UTRN: variants seen among roughly 807,000 people sequenced by gnomAD.
UTRN encodes utrophin.
In UTRN, 283 loss-of-function variants were observed where a neutral mutation model predicts 463.9. The observed-to-expected ratio is 0.61, with a 90% CI of 0.55 to 0.67. The LOEUF is 0.67. Among genes scored for constraint, UTRN ranks in the 30% least tolerant of loss-of-function variants. The probability of loss-of-function intolerance (pLI) is 0.00; values close to 1 mark genes in which losing one functional copy is unlikely to be tolerated. For missense variants in UTRN, 3,922 were observed against 4,084.3 expected, an observed-to-expected ratio of 0.96 and a Z score of 1.08; for synonymous variants, 1,442 against 1,431.5, an observed-to-expected ratio of 1.01 and a Z score of -0.17.
In UTRN at chr6:144,671,384, TA is replaced by T. The variant is rs556935159; in HGVS notation, c.7480-7021del. 1.1e-4 allele frequency among the ~76,000 whole-genome samples: 17 copies of T among 152,232 alleles called. No homozygotes were observed. The Middle Eastern group carries it at 0.01, about 91-fold the overall frequency. ...TGGTTAGGTATAATCCTAAGTATTT[TA>T]TTTTTTTTACAGCTATTTTAAAAGG... On this transcript the variant is annotated intron_variant, in intron 51 of 74. Transcript: ENST00000367545.
chr6:144,572,519 G>T (rs1449927954), intron 50 of UTRN, among the ~76,000 whole-genome samples: 6 of 151,972 alleles, frequency 3.9e-5, no homozygotes, highest in Non-Finnish European at 2.9e-5. Context: ...CATGCATTAG[G>T]CATTTGTCCT....
At chr6:144,836,855 T>A (rs1781150183) in intron 71 of UTRN, among the ~76,000 whole-genome samples, 1 of 152,212 alleles carries the variant, frequency 6.6e-6, no homozygotes, top group Non-Finnish European at 1.5e-5. Context: ...ATGGGAAGCA[T>A]CTGTATTAAG....
At chr6:144,836,070 T>C (rs1562967053) in intron 70 of UTRN, 132 bp downstream of exon 70, 1 of 1,443,090 alleles carries the variant, frequency 6.9e-7, no homozygotes, top group Non-Finnish European at 9.3e-7. Context: ...TAGAGGCTAT[T>C]AACAAACTGG....
chr6:144,563,654 AT>A (rs1247387959), intron 50 of UTRN, among the ~76,000 whole-genome samples: 1 of 151,762 alleles, frequency 6.6e-6, no homozygotes, highest in Non-Finnish European at 1.5e-5. Context: ...AATCACCTTT[AT>A]TTTTCAACTT....
rs779188848 is a variant in UTRN at position 144,748,451 on chromosome 6, T to A, written c.8145T>A (p.Asn2715Lys). 15 of 1,614,004 alleles carry A rather than the reference T, an allele frequency of 9.3e-6. No individual in the cohort carries two copies. Among genetic ancestry groups the A allele is most frequent in the Non-Finnish European group, 1.3e-5 (15 of 1,179,924 alleles). Residue 2715 changes from asparagine to lysine, a missense_variant, in exon 55 of 75, where the codon AAT (asparagine) becomes AAA (lysine). Asn to Lys is a moderately conservative substitution (Grantham distance 94). Around this residue, in one of 3 missense-constraint regions of UTRN, gnomAD observed 1,309 missense variants for 1,452.6 expected, o/e 0.90. Transcript: ENST00000367545. The part of the protein sequence containing the change: ...ADMKEAESVR[N>K]GWKPVGDLLI... Reference sequence around the variant, plus strand: ...TGAAGGAGGCAGAGTCCGTGCGGAATGGCTGGAAGCCCGTGGGAGACTTAC... The same window carrying A: ...TGAAGGAGGCAGAGTCCGTGCGGAAAGGCTGGAAGCCCGTGGGAGACTTAC...
rs981140252 is a variant in UTRN at position 144,490,896 on chromosome 6, A to G, written c.4264-33A>G. ...CATGATGAGAGAGATAATCATCCTG[A>G]TGGGAATTGCATATTTTCATTTCTG... On this transcript the variant is annotated intron_variant, in intron 31 of 74. Transcript: ENST00000367545. 4 of 1,536,426 alleles carry G rather than the reference A, an allele frequency of 2.6e-6. No individual in the cohort carries two copies. In the East Asian group the frequency reaches 6.9e-5, roughly 27 times the overall value.
At position 144,789,244 on chromosome 6, in the gene UTRN, C is replaced by A. The variant is rs367549807; in HGVS notation, c.8885C>A (p.Ser2962Tyr). 3 of 1,613,306 alleles carry A rather than the reference C, an allele frequency of 1.9e-6. No individual in the cohort carries two copies. Among genetic ancestry groups the A allele is most frequent in the Admixed American group, 3.3e-5 (2 of 59,960 alleles). The stretch of plus-strand genomic sequence containing the variant: ...CAGAGTCTGAAGATTGGATTAATGT[C>A]TCTCTCCAAAGGTCTCTTGGAAGAA... ...RVQSLKIGLM[S>Y]LSKGLLEEKY... is the part of the protein sequence containing the mutation. Residue 2962 changes from serine (S) to tyrosine (Y), a missense_variant, in exon 62 of 75, where the codon TCT becomes TAT. Around this residue, in one of 3 missense-constraint regions of UTRN, gnomAD observed 1,309 missense variants for 1,452.6 expected, o/e 0.90. Coordinates refer to ENST00000367545, the MANE Select transcript of UTRN (RefSeq NM_007124.3).
chr6:144,643,658 A>G (rs1777992331), intron 51 of UTRN, among the ~76,000 whole-genome samples: 1 of 151,974 alleles, frequency 6.6e-6, no homozygotes, highest in Admixed American at 6.6e-5. Flanking sequence ...TTAGCCAGGC[A>G]TGGGGGCAGG....
intron 65 of UTRN, among the ~76,000 whole-genome samples, chr6:144,806,544 A>G (rs1282479450): frequency 6.8e-6 from 1 of 146,118 alleles, no homozygotes; most frequent in African/African-American, 2.5e-5. Context: ...AATAGCAATG[A>G]ATGATCTGAT....
At chr6:144,711,598 A>C (rs1406047) in intron 53 of UTRN, among the ~76,000 whole-genome samples, 11,558 of 152,202 alleles carry the variant, frequency 0.076, 1,488 homozygotes, top group African/African-American at 0.26. Context: ...TTGCAGATGC[A>C]GATTTTACTG....
chr6:144,287,965 G>A (rs1294545681), intron 1 of UTRN, among the ~76,000 whole-genome samples: 1 of 152,178 alleles, frequency 6.6e-6, no homozygotes, highest in Admixed American at 6.5e-5. Flanking sequence ...CCATTTTATA[G>A]GTGTGGAAGA....
chr6:144,310,412 T>C (rs1806141548), intron 2 of UTRN, among the ~76,000 whole-genome samples: 1 of 152,032 alleles, frequency 6.6e-6, no homozygotes, highest in Non-Finnish European at 1.5e-5. Flanking sequence ...GGCTCATGCC[T>C]GTAATCCCAG....
rs560711113 is a variant in UTRN, at chr6:144,739,192, G to A, written c.7939+8706G>A. On this transcript the variant is annotated intron_variant, in intron 54 of 74. Coordinates refer to ENST00000367545, the MANE Select transcript of UTRN (RefSeq NM_007124.3). Reference sequence around the variant, plus strand: ...ATTTCCTGATATTTTAGAAAGCCAAGTATTAAGACTATTTTTCTTCCCTGT... The same window carrying A: ...ATTTCCTGATATTTTAGAAAGCCAAATATTAAGACTATTTTTCTTCCCTGT... 6.6e-5 allele frequency among the ~76,000 whole-genome samples: 10 copies of A among 152,212 alleles called. No homozygotes were observed. In the East Asian group the frequency reaches 1.9e-3, roughly 29 times the overall value.
chr6:144,445,080 G>T lies in UTRN; in HGVS notation c.1614+698G>T, dbSNP rs1404651963. On this transcript the variant is annotated intron_variant, in intron 14 of 74. Coordinates refer to ENST00000367545, the MANE Select transcript of UTRN (RefSeq NM_007124.3). ...AATAAGTAGATACTGGCCGGGCAGG[G>T]TGGCTCACGCCTGTAATCCCAGCAC... Among the ~76,000 whole-genome samples the T allele has an allele frequency of 2.0e-5, 3 of 152,170 alleles. No homozygotes were observed. In the East Asian group the frequency reaches 5.8e-4, roughly 29 times the overall value.
intron 53 of UTRN, among the ~76,000 whole-genome samples, chr6:144,709,565 C>A (rs1370070746): frequency 6.6e-6 from 1 of 152,042 alleles, no homozygotes; most frequent in Non-Finnish European, 1.5e-5. Context: ...AAGAAAGGGA[C>A]CTTGTACTTG....
intron 2 of UTRN, among the ~76,000 whole-genome samples, chr6:144,340,553 T>G (rs955797418): frequency 6.6e-6 from 1 of 152,188 alleles, no homozygotes; most frequent in Non-Finnish European, 1.5e-5. Flanking sequence ...ATTTGTTCTG[T>G]AATTCTCTCT....
chr6:144,841,764 A>G (rs1471552720), intron 73 of UTRN, among the ~76,000 whole-genome samples: 2 of 152,158 alleles, frequency 1.3e-5, no homozygotes, highest in Non-Finnish European at 1.5e-5. Flanking sequence ...CTAAAATAAG[A>G]ATTCATGTAA....
intron 51 of UTRN, among the ~76,000 whole-genome samples, chr6:144,589,114 T>C (rs1313134844): frequency 6.6e-6 from 1 of 152,228 alleles, no homozygotes; most frequent in Non-Finnish European, 1.5e-5. Flanking sequence ...TATGGCTTCA[T>C]AAAGTTAAGC....
At chr6:144,673,679 T>G (rs2128680132) in intron 51 of UTRN, among the ~76,000 whole-genome samples, 1 of 152,278 alleles carries the variant, frequency 6.6e-6, no homozygotes, top group East Asian at 1.9e-4. Flanking sequence ...ATTCTATTCC[T>G]TATGCTGGTT....
Sources: gnomAD v4.1 joint callset for allele counts (sites outside exome capture counted in the v4.1 genomes callset) on GRCh38, gnomAD v4.1.1 for gene constraint, gnomAD v4.1.1 regional missense constraint, MANE v1.5 for transcripts, NCBI Gene and HGNC (gene_info 2026-07-23, HGNC 2026-07-21) for gene names.